The following CCDC171 variants were observed in gnomAD, a reference collection of about 807,000 sequenced individuals.
CCDC171 encodes coiled-coil domain-containing protein 171.
In CCDC171, 177 loss-of-function variants were observed where a neutral mutation model predicts 168.2. That is an observed-to-expected ratio of 1.05 (90% confidence interval 0.93 to 1.19). The LOEUF is 1.19. Ranked by LOEUF, CCDC171 falls within the 50% of genes most tolerant of loss-of-function variation. The pLI is 0.00. For missense variants in CCDC171, 1,991 were observed against 1,539.0 expected, an observed-to-expected ratio of 1.29 and a Z score of -4.91; for synonymous variants, 687 against 540.8, an observed-to-expected ratio of 1.27 and a Z score of -3.75.
chr9:16,002,451 A>G (rs374632869), intron 3 of CCDC171, among the ~76,000 whole-genome samples: 200 of 152,236 alleles, frequency 1.3e-3, no homozygotes, highest in South Asian at 0.011. Context: ...AAAAACTTAC[A>G]GAATAAGGAT....
At chr9:15,943,836 A>G (rs1417538178) in intron 25 of CCDC171, among the ~76,000 whole-genome samples, 2 of 152,002 alleles carry the variant, frequency 1.3e-5, no homozygotes, top group Non-Finnish European at 2.9e-5. Context: ...CTGTAGTGCA[A>G]TAAGGTGATA....
intron 11 of CCDC171, among the ~76,000 whole-genome samples, chr9:15,702,849 C>T (rs866332116): frequency 6.6e-6 from 1 of 151,938 alleles, no homozygotes; most frequent in African/African-American, 2.4e-5. Flanking sequence ...TTTTCTTCTG[C>T]AGCTTCCTCA....
intron 18 of CCDC171, among the ~76,000 whole-genome samples, chr9:15,768,568 G>T (rs1218904967): frequency 6.6e-6 from 1 of 152,134 alleles, no homozygotes; most frequent in Non-Finnish European, 1.5e-5. Context: ...TAATAAAGAA[G>T]TAGCATCAGT....
At chr9:15,990,772 A>G (rs1325348769) in intron 3 of CCDC171, among the ~76,000 whole-genome samples, 3 of 152,230 alleles carry the variant, frequency 2.0e-5, no homozygotes, top group Non-Finnish European at 2.9e-5. Context: ...CAGGAGTTGC[A>G]ATCCTGGTCT....
chr9:15,928,224 A>G (rs1411856872), intron 25 of CCDC171, among the ~76,000 whole-genome samples: 3 of 151,756 alleles, frequency 2.0e-5, no homozygotes, highest in Non-Finnish European at 2.9e-5. Flanking sequence ...GAGGGCTGTT[A>G]AAGTACAAGC....
chr9:15,822,321 G>C (rs4424359), intron 21 of CCDC171, among the ~76,000 whole-genome samples: 1 of 151,336 alleles, frequency 6.6e-6, no homozygotes, highest in Non-Finnish European at 1.5e-5. Flanking sequence ...AGAAAAGCCA[G>C]AATTGACAAA....
chr9:15,699,982 C>A (rs1012090761), intron 11 of CCDC171, among the ~76,000 whole-genome samples: 1 of 152,266 alleles, frequency 6.6e-6, no homozygotes, highest in African/African-American at 2.4e-5. Flanking sequence ...CTGGCTTCAC[C>A]CAGTGGATCC....
intron 23 of CCDC171, among the ~76,000 whole-genome samples, chr9:15,868,509 G>GAGAA (rs999826495): frequency 6.6e-6 from 1 of 151,530 alleles, no homozygotes; most frequent in Non-Finnish European, 1.5e-5. Context: ...GAGAGAGAGA[G>GAGAA]AGAGAGAGGA....
chr9:15,872,709 G>A (rs1454836466), intron 23 of CCDC171, among the ~76,000 whole-genome samples: 1 of 151,958 alleles, frequency 6.6e-6, no homozygotes, highest in Non-Finnish European at 1.5e-5. Flanking sequence ...GAATTGGCCA[G>A]GGTGCAGTAA....
At chr9:16,055,387 G>C (rs1024208314) in intron 1 of CCDC171, among the ~76,000 whole-genome samples, 1 of 152,118 alleles carries the variant, frequency 6.6e-6, no homozygotes, top group Non-Finnish European at 1.5e-5. Context: ...TCACTGAGGA[G>C]TCTGGGGGCA....
At chr9:15,738,164 G>C (rs1372169166) in intron 16 of CCDC171, among the ~76,000 whole-genome samples, 2 of 152,146 alleles carry the variant, frequency 1.3e-5, no homozygotes. Flanking sequence ...AAGCAAGAGT[G>C]ATACAAAAGA....
At chr9:16,029,702 T>A (rs545162356) in intron 6 of CCDC171, among the ~76,000 whole-genome samples, 2 of 152,200 alleles carry the variant, frequency 1.3e-5, no homozygotes, top group Non-Finnish European at 2.9e-5. Context: ...GATAGGGTGA[T>A]AAATGTGAGA....
chr9:16,077,536 C>CT, the CCDC171 span, among the ~76,000 whole-genome samples: 3 of 152,094 alleles, frequency 2.0e-5, no homozygotes, highest in African/African-American at 7.2e-5. Flanking sequence ...GTGCTCCTGC[C>CT]TTTTTTCATG....
At chr9:15,760,738 T>C (rs984732117) in intron 18 of CCDC171, among the ~76,000 whole-genome samples, 3 of 152,190 alleles carry the variant, frequency 2.0e-5, no homozygotes, top group Admixed American at 6.5e-5. Context: ...GCGTAGAAAG[T>C]GCTAAAGGTG....
intron 11 of CCDC171, among the ~76,000 whole-genome samples, chr9:15,716,697 A>G (rs1194439815): frequency 6.6e-6 from 1 of 152,194 alleles, no homozygotes; most frequent in African/African-American, 2.4e-5. Flanking sequence ...TCATGGTAGA[A>G]GATGAAAGGG....
At chr9:15,850,164 T>C in intron 23 of CCDC171, 1 of 151,960 alleles carries the variant, frequency 6.6e-6, no homozygotes, top group Non-Finnish European at 1.5e-5. Context: ...TTACGTCATA[T>C]ACATGGCATA....
rs531434361 is a variant in CCDC171 at position 15,903,526 on chromosome 9, G to T, written c.3601-16744G>T. ...GGACATCCACACCAAAACCCCATCT[G>T]TACGTCACCATCATCAAAGACCAAA... On this transcript the variant is annotated intron_variant, in intron 24 of 25. Transcript: ENST00000380701. Among the ~76,000 whole-genome samples, 10 of 152,192 alleles carry T rather than the reference G, an allele frequency of 6.6e-5. No individual in the cohort carries two copies. In the South Asian group the frequency reaches 1.9e-3, roughly 28 times the overall value.
At chr9:15,668,681 T>C (rs1426458783) in intron 9 of CCDC171, among the ~76,000 whole-genome samples, 3 of 152,140 alleles carry the variant, frequency 2.0e-5, no homozygotes, top group Non-Finnish European at 4.4e-5. Context: ...GCCACTTCCA[T>C]CCCTACTATC....
intron 6 of CCDC171, among the ~76,000 whole-genome samples, chr9:15,597,485 G>A (rs537660318): frequency 6.6e-6 from 1 of 152,230 alleles, no homozygotes; most frequent in South Asian, 2.1e-4. Flanking sequence ...TTGCATTCCG[G>A]GGATGAAGCC....
Sources: gnomAD v4.1 joint callset for allele counts (sites outside exome capture counted in the v4.1 genomes callset) on GRCh38, gnomAD v4.1.1 for gene constraint, MANE v1.5 for transcripts, NCBI Gene and HGNC (gene_info 2026-07-23, HGNC 2026-07-21) for gene names.